SLC9A9: variants seen among roughly 807,000 people sequenced by gnomAD.
SLC9A9 encodes the protein sodium/hydrogen exchanger 9.
A neutral mutation model predicts 77.8 loss-of-function variants in SLC9A9; 62 were observed. The observed-to-expected ratio is 0.80, with a 90% confidence interval of 0.65 to 0.98. The LOEUF (loss-of-function observed/expected upper bound fraction) is 0.98, where lower values mean the gene tolerates loss of function less well. Ranked by LOEUF, SLC9A9 falls within the 50% of genes least tolerant of loss-of-function variation. The pLI is 0.00. For missense variants in SLC9A9, 775 were observed against 774.9 expected (o/e 1.00, Z 0.00); for synonymous variants, 320 against 283.5 (o/e 1.13, Z -1.29).
intron 12 of SLC9A9, among the ~76,000 whole-genome samples, chr3:143,441,841 TC>T (rs879387843): frequency 0.15 from 22,009 of 151,094 alleles, 2,070 homozygotes; most frequent in Non-Finnish European, 0.2. Context: ...CATTCATCCA[TC>T]CATCCATCCA....
At chr3:143,719,678 T>C (rs1934445588) in intron 4 of SLC9A9, among the ~76,000 whole-genome samples, 1 of 152,202 alleles carries the variant, frequency 6.6e-6, no homozygotes, top group Admixed American at 6.5e-5. Flanking sequence ...AACAATTTCT[T>C]TTTAAGAACA....
intron 12 of SLC9A9, among the ~76,000 whole-genome samples, chr3:143,438,686 G>A (rs558552314): frequency 1.4e-4 from 21 of 152,254 alleles, no homozygotes; most frequent in African/African-American, 4.6e-4. Flanking sequence ...ACAGGGTATG[G>A]GGCTCTCTGC....
At chr3:143,493,357 T>C (rs368342756) in intron 11 of SLC9A9, among the ~76,000 whole-genome samples, 3 of 152,146 alleles carry the variant, frequency 2.0e-5, no homozygotes, top group African/African-American at 7.2e-5. Context: ...TTCCCCAGTA[T>C]GAAAAATTGA....
intron 14 of SLC9A9, chr3:143,344,510 A>C (rs1276526400): frequency 6.6e-6 from 1 of 152,202 alleles, no homozygotes; most frequent in African/African-American, 2.4e-5. Flanking sequence ...GATGATGCCC[A>C]TTTACAAAAT....
At chr3:143,411,495 C>T (rs945480049) in intron 12 of SLC9A9, among the ~76,000 whole-genome samples, 2 of 152,148 alleles carry the variant, frequency 1.3e-5, no homozygotes, top group African/African-American at 4.8e-5. Flanking sequence ...AGGGCTAGTT[C>T]TGTGTCTTGA....
chr3:143,583,373 A>G (rs1450337414), intron 6 of SLC9A9, among the ~76,000 whole-genome samples: 1 of 152,218 alleles, frequency 6.6e-6, no homozygotes, highest in African/African-American at 2.4e-5. Context: ...TGAAAGCAAC[A>G]TGAATAAGGA....
At chr3:143,761,017 G>T (rs954906388) in intron 4 of SLC9A9, among the ~76,000 whole-genome samples, 1 of 151,998 alleles carries the variant, frequency 6.6e-6, no homozygotes, top group Admixed American at 6.6e-5. Context: ...GAACAGAACA[G>T]AGCCCTCAGA....
At chr3:143,273,035 A>G (rs940382798) in intron 14 of SLC9A9, among the ~76,000 whole-genome samples, 3 of 152,254 alleles carry the variant, frequency 2.0e-5, no homozygotes, top group Non-Finnish European at 2.9e-5. Context: ...TAACTGAATA[A>G]TATCCAAAAT....
chr3:143,763,904 A>T (rs1348137702), intron 4 of SLC9A9, among the ~76,000 whole-genome samples: 1 of 152,050 alleles, frequency 6.6e-6, no homozygotes, highest in African/African-American at 2.4e-5. Context: ...GTCTAATATG[A>T]TAAGTGTGTG....
intron 6 of SLC9A9, among the ~76,000 whole-genome samples, chr3:143,599,395 A>G (rs2037809004): frequency 6.6e-6 from 1 of 152,180 alleles, no homozygotes; most frequent in South Asian, 2.1e-4. Context: ...CTTTTCTTCT[A>G]TAAGGAGAGC....
chr3:143,576,781 T>C (rs2037366945), intron 7 of SLC9A9, among the ~76,000 whole-genome samples: 1 of 152,172 alleles, frequency 6.6e-6, no homozygotes, highest in Non-Finnish European at 1.5e-5. Context: ...GAGACACTCA[T>C]GGAAAACACG....
At chr3:143,686,094 C>T (rs1933254874) in intron 5 of SLC9A9, among the ~76,000 whole-genome samples, 1 of 152,202 alleles carries the variant, frequency 6.6e-6, no homozygotes, top group Admixed American at 6.5e-5. Context: ...TGAGACACCT[C>T]ATCCGCGAGG....
intron 4 of SLC9A9, among the ~76,000 whole-genome samples, chr3:143,742,063 G>C (rs1560058370): frequency 6.6e-6 from 1 of 152,018 alleles, no homozygotes; most frequent in Non-Finnish European, 1.5e-5. Flanking sequence ...ACAAGATTCT[G>C]ACCCTCCTTA....
chr3:143,518,577 T>C (rs2049504), intron 9 of SLC9A9, among the ~76,000 whole-genome samples: 114,401 of 152,164 alleles, frequency 0.75, 43,886 homozygotes, highest in Non-Finnish European at 0.84. Context: ...CACTATACTT[T>C]TATTGCATAT....
At chr3:143,381,068 C>T (rs1409757704) in intron 13 of SLC9A9, among the ~76,000 whole-genome samples, 1 of 152,164 alleles carries the variant, frequency 6.6e-6, no homozygotes. Context: ...GTGACAAGTA[C>T]TGAGTTTAAA....
chr3:143,489,243 T>G (rs1190504001), intron 11 of SLC9A9, among the ~76,000 whole-genome samples: 2 of 151,710 alleles, frequency 1.3e-5, no homozygotes, highest in East Asian at 3.8e-4. Flanking sequence ...AAAGAAGAAA[T>G]AAATAAAGGG....
At chr3:143,270,508 CT>C (rs1937868149) in intron 14 of SLC9A9, among the ~76,000 whole-genome samples, 1 of 152,000 alleles carries the variant, frequency 6.6e-6, no homozygotes, top group African/African-American at 2.4e-5. Context: ...CGTGATCTTT[CT>C]AGGGTTTACA....
chr3:143,783,468 G>T (rs1407485716), intron 4 of SLC9A9, among the ~76,000 whole-genome samples: 1 of 152,030 alleles, frequency 6.6e-6, no homozygotes, highest in Non-Finnish European at 1.5e-5. Flanking sequence ...CCCTAAGTGT[G>T]GTCTCGCAGT....
intron 6 of SLC9A9, among the ~76,000 whole-genome samples, chr3:143,590,680 A>T (rs1289563716): frequency 1.3e-5 from 2 of 152,242 alleles, no homozygotes; most frequent in Non-Finnish European, 2.9e-5. Context: ...GGAAGGGTAC[A>T]CCGAGGTAGA....
Sources: allele counts gnomAD v4.1 joint callset (sites outside exome capture counted in the v4.1 genomes callset), GRCh38; gene constraint gnomAD v4.1.1; transcripts MANE v1.5; gene names NCBI Gene and HGNC (gene_info 2026-07-23, HGNC 2026-07-21).